RNF34: variants seen among roughly 807,000 people sequenced by gnomAD.
RNF34 encodes the protein E3 ubiquitin-protein ligase RNF34.
In RNF34, 12 loss-of-function variants were observed where a neutral mutation model predicts 37.9. That is an observed-to-expected ratio of 0.32 (90% CI 0.20 to 0.51). The LOEUF (loss-of-function observed/expected upper bound fraction) is 0.51. Among genes scored for constraint, RNF34 ranks in the 20% least tolerant of loss-of-function variants. RNF34 has a pLI of 0.97. For synonymous variants in RNF34, 155 were observed against 177.2 expected, an observed-to-expected ratio of 0.87 and a Z score of 1.00; for missense variants, 362 against 472.7, an observed-to-expected ratio of 0.77 and a Z score of 2.17.
At chr12:121,421,401 A>G (rs1339070289) in intron 5 of RNF34, among the ~76,000 whole-genome samples, 2 of 142,338 alleles carry the variant, frequency 1.4e-5, no homozygotes, top group African/African-American at 5.1e-5. Context: ...AAAAAAAACC[A>G]AAAAAACCTG....
chr12:121,403,738 AT>A, intron 1 of RNF34, among the ~76,000 whole-genome samples: 1 of 152,292 alleles, frequency 6.6e-6, no homozygotes, highest in South Asian at 2.1e-4. Context: ...TTATTTTTGA[AT>A]TTAAAACTTC....
At chr12:121,402,587 G>A (rs1870103181) in intron 1 of RNF34, among the ~76,000 whole-genome samples, 1 of 151,794 alleles carries the variant, frequency 6.6e-6, no homozygotes. Context: ...GGTGCCCTGT[G>A]TTAATTTGAT....
chr12:121,407,689 G>A (rs1185250214), intron 1 of RNF34, among the ~76,000 whole-genome samples: 1 of 152,202 alleles, frequency 6.6e-6, no homozygotes, highest in Admixed American at 6.5e-5. Flanking sequence ...AGGAATACAG[G>A]CTAATTTAAC....
intron 1 of RNF34, among the ~76,000 whole-genome samples, chr12:121,414,555 T>C (rs1293633671): frequency 6.6e-6 from 1 of 152,216 alleles, no homozygotes; most frequent in African/African-American, 2.4e-5. Context: ...TTCTGGGCCA[T>C]TTAGTGGAGT....
intron 1 of RNF34, among the ~76,000 whole-genome samples, chr12:121,403,360 C>T (rs188318418): frequency 2.7e-4 from 41 of 149,616 alleles, no homozygotes; most frequent in African/African-American, 8.9e-4. Context: ...TGCGCCACTG[C>T]ACTCCAGCCT....
chr12:121,407,967 T>C (rs1267323280), intron 1 of RNF34, among the ~76,000 whole-genome samples: 1 of 151,522 alleles, frequency 6.6e-6, no homozygotes, highest in Admixed American at 6.6e-5. Flanking sequence ...GAAATTGTCT[T>C]TTAAATAGTT....
intron 1 of RNF34, among the ~76,000 whole-genome samples, chr12:121,401,051 T>C (rs2293462): frequency 0.19 from 29,002 of 151,822 alleles, 4,278 homozygotes; most frequent in African/African-American, 0.41. Context: ...CAGACCTAGA[T>C]GGTTTCGTTA....
chr12:121,417,936 C>G lies in RNF34; in HGVS notation c.633+25C>G. ...GGTACGAGGGGGTAACTAATTACAC[C>G]CAGGGCCCGGCACGCTTATTCTTGG... On this transcript the variant is annotated intron_variant, in intron 3 of 5. Transcript: ENST00000361234. This position sits in a 1 kb window ranked among gnomAD's most constrained non-coding sequence, Gnocchi z 5.0. The G allele has an allele frequency of 6.2e-7, 1 of 1,604,820 alleles. No individual in the cohort carries two copies. The highest frequency in any genetic ancestry group is 8.5e-7 in the Non-Finnish European group (1 of 1,175,704).
chr12:121,404,375 C>A (rs899415458), intron 1 of RNF34, among the ~76,000 whole-genome samples: 1 of 132,794 alleles, frequency 7.5e-6, no homozygotes, highest in African/African-American at 2.7e-5. Context: ...TTGTGTCTGG[C>A]TGTCATTTAA....
At chr12:121,414,597 G>A (rs1555281864) in intron 1 of RNF34, among the ~76,000 whole-genome samples, 1 of 152,234 alleles carries the variant, frequency 6.6e-6, no homozygotes, top group East Asian at 1.9e-4. Context: ...GGAAGGTCAT[G>A]ATGGTTATCA....
chr12:121,402,760 G>T lies in RNF34; in HGVS notation c.6+2542G>T, dbSNP rs781783420. On this transcript the variant is annotated intron_variant, in intron 1 of 5. Coordinates refer to ENST00000361234, the MANE Select transcript of RNF34 (RefSeq NM_025126.4). Reference sequence around the variant, plus strand: ...CTGAAAGGTGGGGGAGTGGTACTAAGGATCAAGTATACTGTTAAAAGAAAA... The same window carrying T: ...CTGAAAGGTGGGGGAGTGGTACTAATGATCAAGTATACTGTTAAAAGAAAA... 10 of 1,606,010 alleles carry T rather than the reference G, an allele frequency of 6.2e-6. No individual in the cohort carries two copies. In the African/African-American group the frequency reaches 1.3e-4, roughly 22 times the overall value.
At chr12:121,414,466 T>C (rs1431888191) in intron 1 of RNF34, among the ~76,000 whole-genome samples, 1 of 152,048 alleles carries the variant, frequency 6.6e-6, no homozygotes, top group Non-Finnish European at 1.5e-5. Flanking sequence ...CAGGTTACTC[T>C]GGGCAGGTAT....
chr12:121,422,116 C>T (rs4640009), intron 5 of RNF34, among the ~76,000 whole-genome samples: 29,020 of 152,032 alleles, frequency 0.19, 4,274 homozygotes, highest in African/African-American at 0.41. Flanking sequence ...CAGTGCACAA[C>T]GATAATGCCA....
chr12:121,408,138 T>C (rs1268354184), intron 1 of RNF34, among the ~76,000 whole-genome samples: 1 of 151,950 alleles, frequency 6.6e-6, no homozygotes, highest in African/African-American at 2.4e-5. Context: ...AGACCCCGTC[T>C]CTAAAAAAAT....
At chr12:121,407,418 G>C (rs1403250355) in intron 1 of RNF34, among the ~76,000 whole-genome samples, 4 of 152,170 alleles carry the variant, frequency 2.6e-5, no homozygotes, top group African/African-American at 7.2e-5. Context: ...CTAGTATACT[G>C]TCAGAAGCCA....
chr12:121,411,729 G>A (rs1555281384), intron 1 of RNF34, among the ~76,000 whole-genome samples: 3 of 152,314 alleles, frequency 2.0e-5, no homozygotes, highest in Non-Finnish European at 4.4e-5. Context: ...GTGGAAAGAG[G>A]AGCAGGAGAA....
At chr12:121,420,498 T>C (rs1872032161) in intron 4 of RNF34, 79 bp from the exon 5 acceptor site, 2 of 1,575,924 alleles carry the variant, frequency 1.3e-6, no homozygotes, top group Non-Finnish European at 1.7e-6. Flanking sequence ...TGGGAGAATA[T>C]TCAGGGCCAG....
In RNF34 at chr12:121,416,600, C is replaced by G. The variant is rs1871595961; in HGVS notation, c.225+223C>G. The G allele has an allele frequency of 1.3e-5, 6 of 473,290 alleles. No individual in the cohort carries two copies. The South Asian group carries it at 1.6e-4, about 12-fold the overall frequency. 29.3% of individuals were successfully genotyped at this position (473,290 alleles called of 1,614,324 possible). On this transcript the variant is annotated intron_variant, in intron 2 of 5. Transcript: ENST00000361234. ...ATGTTCAGGCATCCTTTCTCCTGAA[C>G]TTTGACCTGTTTGTATCATTTTATT... is the stretch of plus-strand genomic sequence containing the variant.
chr12:121,418,255 G>C (rs79602836), intron 3 of RNF34: 1 of 204,978 alleles, frequency 4.9e-6, no homozygotes, highest in East Asian at 1.2e-4. Context: ...GTTAGTGCAC[G>C]TGTTTCAGTG....
Sources: allele counts gnomAD v4.1 joint callset (sites outside exome capture counted in the v4.1 genomes callset), GRCh38; gene constraint gnomAD v4.1.1; non-coding constraint Gnocchi (gnomAD v3.1); transcripts MANE v1.5; gene names NCBI Gene and HGNC (gene_info 2026-07-23, HGNC 2026-07-21).